VIPAS39: variants seen among roughly 807,000 people sequenced by gnomAD.
VIPAS39 encodes spermatogenesis-defective protein 39 homolog.
In VIPAS39, 63 loss-of-function variants were observed where a neutral mutation model predicts 84.7. The ratio of observed to expected loss-of-function variants is 0.74; its 90% CI spans 0.61 to 0.92. The LOEUF (loss-of-function observed/expected upper bound fraction) is 0.92, where lower values mean the gene tolerates loss of function less well. Ranked by LOEUF, VIPAS39 falls within the 40% of genes least tolerant of loss-of-function variation. The probability of loss-of-function intolerance (pLI) is 0.00; values close to 1 mark genes in which losing one functional copy is unlikely to be tolerated. For synonymous variants in VIPAS39, 192 were observed against 216.5 expected, an observed-to-expected ratio of 0.89 and a Z score of 0.99; for missense variants, 499 against 604.5, an observed-to-expected ratio of 0.83 and a Z score of 1.83.
At chr14:77,429,285 C>T (rs1302621252) in intron 17 of VIPAS39, among the ~76,000 whole-genome samples, 190 bp from the exon 18 acceptor site, 1 of 152,228 alleles carries the variant, frequency 6.6e-6, no homozygotes, top group Admixed American at 6.5e-5. Context: ...CATGCTGCCT[C>T]AGTAAGCAGG....
intron 1 of VIPAS39, among the ~76,000 whole-genome samples, chr14:77,455,607 G>A (rs1051278434): frequency 4.6e-5 from 7 of 152,192 alleles, no homozygotes; most frequent in African/African-American, 1.7e-4. Flanking sequence ...TAACTGTAAA[G>A]GCTAAACAGC....
At chr14:77,449,196 A>G (rs1211942197) in intron 6 of VIPAS39, 97 bp downstream of exon 6, 3 of 1,359,584 alleles carry the variant, frequency 2.2e-6, no homozygotes, top group Non-Finnish European at 3.2e-6. Context: ...GGTTAAAAAA[A>G]TATCTACTCA....
rs1183915168 is a variant in VIPAS39 at position 77,429,623 on chromosome 14, G to A, written c.1266+58C>T. On this transcript the variant is annotated intron_variant, in intron 17 of 19. Coordinates refer to ENST00000557658, the MANE Select transcript of VIPAS39 (RefSeq NM_001193315.2). ...GGTCTCCCATCACTGACCAGTAAGA[G>A]GCTTAAAGTTAGGTCTCCAAGAATA... The A allele has an allele frequency of 7.7e-6, 12 of 1,553,724 alleles. No homozygotes were observed. In the Admixed American group the frequency reaches 1.7e-4, roughly 22 times the overall value.
chr14:77,447,106 A>G (rs2078803128), intron 7 of VIPAS39, among the ~76,000 whole-genome samples: 1 of 151,394 alleles, frequency 6.6e-6, no homozygotes, highest in East Asian at 1.9e-4. Flanking sequence ...CAATTGCACA[A>G]TCTCGGCCAC....
intron 16 of VIPAS39, among the ~76,000 whole-genome samples, chr14:77,431,734 G>A (rs4899655): frequency 0.44 from 66,557 of 151,832 alleles, 16,950 homozygotes; most frequent in East Asian, 0.93. Context: ...CTTTCTTTTG[G>A]GTATATGCCC....
At chr14:77,456,574 C>T (rs1013976161) in intron 1 of VIPAS39, among the ~76,000 whole-genome samples, 1 of 152,204 alleles carries the variant, frequency 6.6e-6, no homozygotes, top group Non-Finnish European at 1.5e-5. Context: ...GTTAAATGCT[C>T]CTATTTCAAA....
At chr14:77,448,818 T>G (rs562312520) in intron 6 of VIPAS39, among the ~76,000 whole-genome samples, 1 of 152,304 alleles carries the variant, frequency 6.6e-6, no homozygotes, top group South Asian at 2.1e-4. Context: ...AGTTCAGGAC[T>G]GCAACCTCTA....
rs1566732582 is a variant in VIPAS39, at chr14:77,444,265, C to G, written c.581G>C (p.Gly194Ala). 6.2e-7 allele frequency: 1 copy of G among 1,613,546 alleles called. No individual in the cohort carries two copies. Among genetic ancestry groups the G allele is most frequent in the South Asian group, 1.1e-5 (1 of 91,064 alleles). Residue 194 changes from glycine (G) to alanine (A), a missense_variant, in exon 8 of 20, where the codon GGA (glycine) becomes GCA (alanine). Gly to Ala is a moderately conservative substitution (Grantham distance 60, BLOSUM62 0). Coordinates refer to ENST00000557658, the MANE Select transcript of VIPAS39 (RefSeq NM_001193315.2). The stretch of plus-strand genomic sequence containing the variant: ...ACAACTCACTGCAGTAATGACGTTT[C>G]CATCATGCATGCTTACTGCCTCTTC... ...LLEEAVSMHD[G>A]NVITAVLIFL...
chr14:77,434,473 A>G (rs1006925256), intron 14 of VIPAS39, among the ~76,000 whole-genome samples, 170 bp from the exon 15 acceptor site: 1 of 152,250 alleles, frequency 6.6e-6, no homozygotes, highest in Admixed American at 6.5e-5. Context: ...AGATACCACT[A>G]TAAGCTGGCT....
chr14:77,437,218 G>A (rs2078626622), intron 12 of VIPAS39, among the ~76,000 whole-genome samples: 1 of 152,198 alleles, frequency 6.6e-6, no homozygotes, highest in African/African-American at 2.4e-5. Context: ...ATACAGGGAA[G>A]CAAATTTCAG....
intron 4 of VIPAS39, among the ~76,000 whole-genome samples, chr14:77,450,785 C>G (rs987667500): frequency 2.0e-5 from 3 of 152,210 alleles, no homozygotes; most frequent in Non-Finnish European, 4.4e-5. Context: ...GCTGGGATTA[C>G]AGGCGTGAGC....
At chr14:77,444,213 A>G (rs760909086) in intron 8 of VIPAS39, 36 bp downstream of exon 8, 2 of 1,591,410 alleles carry the variant, frequency 1.3e-6, no homozygotes, top group Non-Finnish European at 8.6e-7. Context: ...AGTGAAAACA[A>G]TAATTAAACA....
Position 77,453,320 on chromosome 14 carries a change from A to C in VIPAS39, c.175T>G (p.Trp59Gly). 4 of 1,614,078 alleles carry C rather than the reference A, an allele frequency of 2.5e-6. No individual in the cohort carries two copies. Among genetic ancestry groups the C allele is most frequent in the Non-Finnish European group, 3.4e-6 (4 of 1,179,996 alleles). ...TTACTTCCCACAGGTTCCCCACTCC[A>C]GCTGACTCGCTCCAGGTCATCATCG... ...DDDDDLERVSWSGEPVGSISW... is the reference protein window; with the variant it reads ...DDDDDLERVSGSGEPVGSISW... Residue 59 changes from tryptophan to glycine, a missense_variant, in exon 3 of 20, where the codon TGG (tryptophan) becomes GGG (glycine). By Grantham distance (184) the Trp-to-Gly change is radical (BLOSUM62 -2). Transcript: ENST00000557658.
intron 2 of VIPAS39, 71 bp downstream of exon 2, chr14:77,453,939 C>A: frequency 6.8e-7 from 1 of 1,468,826 alleles, no homozygotes; most frequent in South Asian, 1.1e-5. Flanking sequence ...GCCTAGTTAC[C>A]CAGAATGCAA....
Position 77,453,344 on chromosome 14 carries a change from C to T in VIPAS39, c.151G>A (p.Asp51Asn), listed in dbSNP as rs762600011. The T allele has an allele frequency of 2.5e-6, 4 of 1,614,110 alleles. No homozygotes were observed. The highest frequency in any genetic ancestry group is 2.5e-6 in the Non-Finnish European group (3 of 1,180,018). The change falls in exon 3 of 20, where the codon GAT becomes AAT. Residue 51 changes from aspartate (D) to asparagine (N), a missense_variant. Coordinates refer to ENST00000557658, the MANE Select transcript of VIPAS39 (RefSeq NM_001193315.2). The part of the protein sequence containing the change: ...SLRDFVDDDD[D>N]DDLERVSWSG... ...CAGCTGACTCGCTCCAGGTCATCAT[C>T]GTCATCATCATCCACGAAGTCTCGG...
intron 11 of VIPAS39, among the ~76,000 whole-genome samples, chr14:77,439,078 A>G (rs1307949706): frequency 1.3e-5 from 2 of 152,204 alleles, no homozygotes; most frequent in Non-Finnish European, 2.9e-5. Flanking sequence ...GTCTTTCAAG[A>G]AAAGTTCTAC....
chr14:77,443,625 T>G (rs1437189142), intron 8 of VIPAS39, among the ~76,000 whole-genome samples: 1 of 152,024 alleles, frequency 6.6e-6, no homozygotes, highest in Admixed American at 6.5e-5. Context: ...CCAAGCGTGG[T>G]AGCTCACGCC....
At position 77,453,355 on chromosome 14, in the gene VIPAS39, T is replaced by C. The variant is rs2078913044; in HGVS notation, c.140A>G (p.Asp47Gly). 1 of 1,613,982 alleles carries C rather than the reference T, an allele frequency of 6.2e-7. No homozygotes were observed. The highest frequency in any genetic ancestry group is 8.5e-7 in the Non-Finnish European group (1 of 1,180,022). ...CTCCAGGTCATCATCGTCATCATCA[T>C]CCACGAAGTCTCGGAGGCTGTTCAC... Reference protein sequence around the residue: ...RAVNSLRDFVDDDDDDDLERV... With the variant: ...RAVNSLRDFVGDDDDDDLERV... The change falls in exon 3 of 20, where the codon GAT becomes GGT. Residue 47 changes from aspartate to glycine, a missense_variant. Physicochemically the swap from Asp to Gly is moderately conservative, Grantham distance 94. Coordinates refer to ENST00000557658, the MANE Select transcript of VIPAS39 (RefSeq NM_001193315.2).
chr14:77,445,921 CAGA>C (rs1243235692), intron 7 of VIPAS39, among the ~76,000 whole-genome samples: 1 of 135,644 alleles, frequency 7.4e-6, no homozygotes, highest in Non-Finnish European at 1.5e-5. Context: ...GCCCGGGCGA[CAGA>C]AGGAGACTCC....
Sources: allele counts gnomAD v4.1 joint callset (sites outside exome capture counted in the v4.1 genomes callset), GRCh38; gene constraint gnomAD v4.1.1; transcripts MANE v1.5; gene names NCBI Gene and HGNC (gene_info 2026-07-23, HGNC 2026-07-21).